Variants in AFG2A observed in about 807,000 individuals in gnomAD.
The protein encoded by AFG2A is AAA ATPase AFG2A.
At chr4:123,260,963 C>T in the AFG2A span, among the ~76,000 whole-genome samples, 3 of 152,160 alleles carry the variant, frequency 2.0e-5, no homozygotes, top group East Asian at 5.8e-4. Flanking sequence ...CCTGTTAGAT[C>T]AGCAGTGGCA....
the AFG2A span, among the ~76,000 whole-genome samples, chr4:123,118,272 TA>T: frequency 7.1e-6 from 1 of 141,434 alleles, no homozygotes; most frequent in Non-Finnish European, 1.5e-5. Context: ...TATGCAAATA[TA>T]TATGCAAATA....
At chr4:123,250,694 G>A in the AFG2A span, among the ~76,000 whole-genome samples, 420 of 152,276 alleles carry the variant, frequency 2.8e-3, 1 homozygote, top group African/African-American at 9.6e-3. Flanking sequence ...CAGAAAGGGA[G>A]TTTGTTCTAT....
the AFG2A span, among the ~76,000 whole-genome samples, chr4:123,244,385 C>T: frequency 2.6e-5 from 4 of 152,176 alleles, no homozygotes; most frequent in Non-Finnish European, 5.9e-5. Context: ...GACAGAAACA[C>T]GCTGTTCCTC....
At chr4:122,931,121 A>G in the AFG2A span, among the ~76,000 whole-genome samples, 1 of 152,216 alleles carries the variant, frequency 6.6e-6, no homozygotes, top group Non-Finnish European at 1.5e-5. Context: ...TTTTAAAAGC[A>G]AAATTGGTTT....
At chr4:122,987,456 A>G in the AFG2A span, among the ~76,000 whole-genome samples, 1 of 151,420 alleles carries the variant, frequency 6.6e-6, no homozygotes, top group Admixed American at 6.6e-5. Context: ...TACTAGAGCT[A>G]TTTTATTGTT....
chr4:123,225,864 G>C, the AFG2A span, among the ~76,000 whole-genome samples: 3 of 152,142 alleles, frequency 2.0e-5, no homozygotes, highest in East Asian at 1.9e-4. Context: ...TCTTCCATTT[G>C]TTCGTATCCT....
At chr4:122,974,915 C>T in the AFG2A span, among the ~76,000 whole-genome samples, 10 of 152,266 alleles carry the variant, frequency 6.6e-5, no homozygotes, top group Non-Finnish European at 1.3e-4. Flanking sequence ...GGTGGGATTA[C>T]AGGCATGAGC....
At chr4:123,238,177 C>G in the AFG2A span, among the ~76,000 whole-genome samples, 2 of 152,206 alleles carry the variant, frequency 1.3e-5, no homozygotes. Flanking sequence ...GGCCAGGAAG[C>G]TCAAACTGGG....
At chr4:122,949,466 A>G in the AFG2A span, among the ~76,000 whole-genome samples, 180 of 152,286 alleles carry the variant, frequency 1.2e-3, 1 homozygote, top group Middle Eastern at 0.024. Flanking sequence ...TTGGTGTGGC[A>G]TGGCAGGCCC....
chr4:123,226,291 G>C, the AFG2A span, among the ~76,000 whole-genome samples: 1 of 152,134 alleles, frequency 6.6e-6, no homozygotes, highest in East Asian at 1.9e-4. Context: ...TCTTGTGCCA[G>C]TTTTCAAAGG....
At chr4:123,185,660 G>T in the AFG2A span, among the ~76,000 whole-genome samples, 6 of 152,052 alleles carry the variant, frequency 3.9e-5, no homozygotes, top group Non-Finnish European at 7.4e-5. Context: ...AGTGGGGTAG[G>T]CATGATAGAT....
chr4:123,034,120 A>G, the AFG2A span, among the ~76,000 whole-genome samples: 47 of 152,076 alleles, frequency 3.1e-4, no homozygotes, highest in Middle Eastern at 0.01. Flanking sequence ...TCCTTATTGT[A>G]GGTTCCACAA....
At chr4:123,099,398 T>G in the AFG2A span, among the ~76,000 whole-genome samples, 1 of 151,938 alleles carries the variant, frequency 6.6e-6, no homozygotes, top group Non-Finnish European at 1.5e-5. Flanking sequence ...TGTCTGTGCT[T>G]TTGAGGTCAT....
At chr4:122,939,733 A>C in the AFG2A span, among the ~76,000 whole-genome samples, 1 of 152,124 alleles carries the variant, frequency 6.6e-6, no homozygotes, top group Non-Finnish European at 1.5e-5. Flanking sequence ...TGCACCCATT[A>C]ACTCGTCGTT....
At chr4:122,992,982 G>GTGTGTGTGTGGTGTGTGTGTA in the AFG2A span, among the ~76,000 whole-genome samples, 24 of 151,580 alleles carry the variant, frequency 1.6e-4, no homozygotes, top group African/African-American at 4.9e-4. Context: ...GTGTATGTGT[G>GTGTGTGTGTGGTGTGTGTGTA]TGTGTGTGTG....
chr4:122,929,103 C>T, the AFG2A span: 1 of 1,613,712 alleles, frequency 6.2e-7, no homozygotes, highest in Non-Finnish European at 8.5e-7. Context: ...TGAAATGGCA[C>T]AGAAAAATGT....
the AFG2A span, among the ~76,000 whole-genome samples, chr4:122,978,717 C>T: frequency 2.6e-5 from 4 of 152,186 alleles, no homozygotes; most frequent in Non-Finnish European, 5.9e-5. Flanking sequence ...CCCTCAGCCT[C>T]CCTCACATAC....
chr4:123,200,742 G>A, the AFG2A span, among the ~76,000 whole-genome samples: 1 of 152,194 alleles, frequency 6.6e-6, no homozygotes, highest in Non-Finnish European at 1.5e-5. Flanking sequence ...TGGCTGGAAC[G>A]TGGACAACTT....
At chr4:123,214,505 AT>A in the AFG2A span, among the ~76,000 whole-genome samples, 17 of 152,100 alleles carry the variant, frequency 1.1e-4, no homozygotes, top group East Asian at 3.3e-3. Context: ...TTATATGTGG[AT>A]TTTTTTCAAT....
Sources: gnomAD v4.1 joint callset for allele counts (sites outside exome capture counted in the v4.1 genomes callset) on GRCh38, gnomAD v4.1.1 for gene constraint, MANE v1.5 for transcripts, NCBI Gene and HGNC (gene_info 2026-07-23, HGNC 2026-07-21) for gene names.